Variants in PIBF1 observed in about 807,000 individuals in gnomAD.
PIBF1 encodes progesterone immunomodulatory binding factor 1.
Under a neutral mutation model 112.5 loss-of-function variants are expected in PIBF1, and 90 were observed. The ratio of observed to expected loss-of-function variants is 0.80; its 90% CI spans 0.67 to 0.95. The LOEUF (loss-of-function observed/expected upper bound fraction) is 0.95. Among genes scored for constraint, PIBF1 ranks in the 40% least tolerant of loss-of-function variants. The pLI is 0.00. For missense variants in PIBF1, 915 were observed against 852.3 expected (o/e 1.07, Z -0.92); for synonymous variants, 301 against 288.6 (o/e 1.04, Z -0.44).
intron 5 of PIBF1, 141 bp downstream of exon 5, chr13:72,798,167 AAGG>A: frequency 7.6e-6 from 6 of 785,098 alleles, no homozygotes; most frequent in Non-Finnish European, 9.6e-6. Context: ...CAATAATGGG[AAGG>A]AGGTTAAATT....
At chr13:73,014,096 C>T (rs2044313199) in intron 17 of PIBF1, among the ~76,000 whole-genome samples, 1 of 141,068 alleles carries the variant, frequency 7.1e-6, no homozygotes, top group Non-Finnish European at 1.5e-5. Flanking sequence ...CCTTTTTCCT[C>T]CCTAGTAGCT....
intron 16 of PIBF1, among the ~76,000 whole-genome samples, chr13:72,976,979 C>T (rs796606514): frequency 1.3e-5 from 2 of 152,252 alleles, no homozygotes; most frequent in Admixed American, 6.5e-5. Flanking sequence ...TGGACGGCCC[C>T]TGGGAGCCAC....
chr13:72,891,856 T>C (rs1363154853), intron 10 of PIBF1, among the ~76,000 whole-genome samples: 2 of 152,162 alleles, frequency 1.3e-5, no homozygotes, highest in Non-Finnish European at 2.9e-5. Flanking sequence ...AGTTAAACAT[T>C]TGAATGTTAT....
chr13:72,792,365 T>C, intron 2 of PIBF1, 82 bp from the exon 3 acceptor site: 1 of 840,386 alleles, frequency 1.2e-6, no homozygotes, highest in South Asian at 1.6e-5. Context: ...TTCTTTCAAG[T>C]GTTTTTAAAA....
At position 73,015,615 on chromosome 13, in the gene PIBF1, T is replaced by G. The variant is rs183286052; in HGVS notation, c.2224-254T>G. On this transcript the variant is annotated intron_variant, in intron 17 of 17. Coordinates refer to ENST00000326291, the MANE Select transcript of PIBF1 (RefSeq NM_006346.4). ...AAATAAAATCAATTCGTAAAATAAT[T>G]GCATCCCCAGAAAATCTTAAGTATA... Among the ~76,000 whole-genome samples, 3 of 152,328 alleles carry G rather than the reference T, an allele frequency of 2.0e-5. No homozygotes were observed. The East Asian group carries it at 5.8e-4, about 29-fold the overall frequency.
At chr13:72,890,385 G>C (rs2040013791) in intron 10 of PIBF1, among the ~76,000 whole-genome samples, 1 of 151,958 alleles carries the variant, frequency 6.6e-6, no homozygotes, top group African/African-American at 2.4e-5. Context: ...TTTTCTCCCT[G>C]TACTTCCAAA....
At chr13:72,928,026 C>CATATATATACATATATATACAT (rs2041576598) in intron 13 of PIBF1, among the ~76,000 whole-genome samples, 2 of 118,632 alleles carry the variant, frequency 1.7e-5, no homozygotes, top group African/African-American at 7.2e-5. Context: ...CATATATATA[C>CATATATATACATATATATACAT]ATATATATAT....
At chr13:72,849,792 A>T (rs754443621) in intron 9 of PIBF1, among the ~76,000 whole-genome samples, 34 of 152,312 alleles carry the variant, frequency 2.2e-4, no homozygotes, top group Non-Finnish European at 3.2e-4. Flanking sequence ...GTTTGGGTGC[A>T]CATTTGGACT....
intron 4 of PIBF1, among the ~76,000 whole-genome samples, chr13:72,796,024 T>C (rs577067446): frequency 5.2e-4 from 79 of 152,322 alleles, no homozygotes; most frequent in African/African-American, 1.8e-3. Flanking sequence ...TATTTTGGTG[T>C]CAGCATTCAT....
At chr13:72,915,395 G>T (rs766578443) in intron 12 of PIBF1, among the ~76,000 whole-genome samples, 4 of 152,140 alleles carry the variant, frequency 2.6e-5, no homozygotes, top group African/African-American at 4.8e-5. Flanking sequence ...GATCCCTTTA[G>T]TAGCATTGAC....
chr13:72,937,940 A>G (rs576199727), intron 14 of PIBF1, among the ~76,000 whole-genome samples: 1 of 152,318 alleles, frequency 6.6e-6, no homozygotes, highest in Admixed American at 6.5e-5. Context: ...TTGTAGGCCT[A>G]AATTTCAAAC....
At chr13:72,968,919 T>G (rs563122631) in intron 15 of PIBF1, among the ~76,000 whole-genome samples, 1 of 151,930 alleles carries the variant, frequency 6.6e-6, no homozygotes, top group East Asian at 1.9e-4. Context: ...CACGCTTCTG[T>G]AGTCCTGGCT....
At chr13:72,907,941 GC>G (rs900257789) in intron 11 of PIBF1, among the ~76,000 whole-genome samples, 2 of 152,010 alleles carry the variant, frequency 1.3e-5, no homozygotes, top group African/African-American at 4.8e-5. Context: ...CAATTTCCAT[GC>G]CCTTTGCATC....
intron 5 of PIBF1, among the ~76,000 whole-genome samples, chr13:72,818,581 T>G (rs891930637): frequency 6.6e-6 from 1 of 152,104 alleles, no homozygotes; most frequent in Non-Finnish European, 1.5e-5. Context: ...GCTTTCAACT[T>G]GTCTTTAACA....
In PIBF1 at chr13:72,920,635, A is replaced by G. The variant is rs949428690; in HGVS notation, c.1730+3469A>G. On this transcript the variant is annotated intron_variant, in intron 13 of 17. Coordinates refer to ENST00000326291, the MANE Select transcript of PIBF1 (RefSeq NM_006346.4). Reference sequence around the variant, plus strand: ...AATCCTTCACATTTGAAATTAAAGGATTGGAGCCAGACGCACTGGCATGTA... The same window carrying G: ...AATCCTTCACATTTGAAATTAAAGGGTTGGAGCCAGACGCACTGGCATGTA... Among the ~76,000 whole-genome samples, 8 of 152,288 alleles carry G rather than the reference A, an allele frequency of 5.3e-5. No homozygotes were observed. In the East Asian group the frequency reaches 1.5e-3, roughly 29 times the overall value.
rs114560059 is a variant in PIBF1 at position 72,906,197 on chromosome 13, G to C, written c.1489-2334G>C. On this transcript the variant is annotated intron_variant, in intron 11 of 17. Coordinates refer to ENST00000326291, the MANE Select transcript of PIBF1 (RefSeq NM_006346.4). ...TGGGCTTTTACCCAGTATTCTCATT[G>C]ATTGTTAATTTGGAGATTATTTATT... is the stretch of plus-strand genomic sequence containing the variant. Among the ~76,000 whole-genome samples the C allele has an allele frequency of 5.3e-3, 808 of 152,108 alleles. 15 individuals are homozygous for C. The highest frequency in any genetic ancestry group is 0.018 in the African/African-American group (758 of 41,500).
chr13:72,809,132 CTT>C lies in PIBF1; in HGVS notation c.672+11128_672+11129del, dbSNP rs35219701. 9.4e-3 allele frequency among the ~76,000 whole-genome samples: 701 copies of C among 74,820 alleles called. 6 individuals carry two copies. The highest frequency in any genetic ancestry group is 0.013 in the Middle Eastern group (1 of 80). The allele number at this position is 74,820 out of a possible 152,430, so 49.1% of individuals were successfully genotyped here. ...CACCACTTGGGGGCAGTATATGTCC[CTT>C]TTTTTTTTTTTTTTTTTTTTTAATT... On this transcript the variant is annotated intron_variant, in intron 5 of 17. Coordinates refer to ENST00000326291, the MANE Select transcript of PIBF1 (RefSeq NM_006346.4).
intron 14 of PIBF1, among the ~76,000 whole-genome samples, chr13:72,952,035 C>CTTT (rs67211238): frequency 4.4e-4 from 54 of 122,976 alleles, no homozygotes; most frequent in African/African-American, 1.6e-3. Context: ...TTTCTTTTCT[C>CTTT]TTTTTTTTTT....
intron 10 of PIBF1, among the ~76,000 whole-genome samples, chr13:72,873,609 T>A (rs1213044987): frequency 1.3e-5 from 2 of 151,872 alleles, no homozygotes; most frequent in African/African-American, 2.4e-5. Flanking sequence ...ACCATGTTGG[T>A]CAGGCTGGTC....
Sources: allele counts gnomAD v4.1 joint callset (sites outside exome capture counted in the v4.1 genomes callset), GRCh38; gene constraint gnomAD v4.1.1; transcripts MANE v1.5; gene names NCBI Gene and HGNC (gene_info 2026-07-23, HGNC 2026-07-21).